The following PTPRK variants were observed in gnomAD, a reference collection of about 807,000 sequenced individuals.
PTPRK encodes protein tyrosine phosphatase receptor type K, also known as receptor-type tyrosine-protein phosphatase kappa.
PTPRK carries 75 observed loss-of-function variants against 178.0 expected under a neutral mutation model. The ratio of observed to expected loss-of-function variants is 0.42; its 90% CI spans 0.35 to 0.51. The LOEUF is 0.51. Ranked by LOEUF, PTPRK falls within the 20% of genes least tolerant of loss-of-function variation. PTPRK has a pLI of 0.02. For missense variants in PTPRK, 1,441 were observed against 1,797.8 expected (o/e 0.80, Z 3.59); for synonymous variants, 637 against 620.6 (o/e 1.03, Z -0.39).
chr6:128,436,260 T>C (rs1845584045), intron 1 of PTPRK, among the ~76,000 whole-genome samples: 2 of 152,078 alleles, frequency 1.3e-5, no homozygotes, highest in Non-Finnish European at 2.9e-5. Context: ...AAATAATAAA[T>C]TAACCATAAT....
chr6:128,186,308 T>C (rs1323478183), intron 6 of PTPRK, among the ~76,000 whole-genome samples: 1 of 152,044 alleles, frequency 6.6e-6, no homozygotes, highest in Non-Finnish European at 1.5e-5. Context: ...CATAAGTAAC[T>C]CCTCACAAGT....
At chr6:128,057,262 T>C (rs1780056953) in intron 13 of PTPRK, among the ~76,000 whole-genome samples, 1 of 152,306 alleles carries the variant, frequency 6.6e-6, no homozygotes, top group South Asian at 2.1e-4. Context: ...GATATAGATA[T>C]TGTACAGAAA....
chr6:128,116,495 A>C (rs1277993876), intron 7 of PTPRK, among the ~76,000 whole-genome samples: 3 of 152,246 alleles, frequency 2.0e-5, no homozygotes, highest in Admixed American at 6.5e-5. Context: ...TCACAACCAA[A>C]GAGGGACAGA....
At chr6:128,153,597 C>T (rs1225740893) in intron 7 of PTPRK, among the ~76,000 whole-genome samples, 3 of 151,882 alleles carry the variant, frequency 2.0e-5, no homozygotes, top group Non-Finnish European at 2.9e-5. Flanking sequence ...GGCAGCTCTA[C>T]AGTTTGAAAT....
At chr6:128,193,057 T>C (rs1804123968) in intron 6 of PTPRK, among the ~76,000 whole-genome samples, 1 of 152,126 alleles carries the variant, frequency 6.6e-6, no homozygotes, top group African/African-American at 2.4e-5. Context: ...AAACTTTATT[T>C]ATTTACTTAT....
chr6:128,382,348 G>A (rs766727511), intron 2 of PTPRK, among the ~76,000 whole-genome samples: 22 of 149,642 alleles, frequency 1.5e-4, no homozygotes, highest in Admixed American at 2.0e-4. Context: ...GTAATCATGT[G>A]TCCATTTAAA....
At chr6:128,055,984 TC>T (rs376321828) in intron 13 of PTPRK, among the ~76,000 whole-genome samples, 1 of 150,624 alleles carries the variant, frequency 6.6e-6, no homozygotes, top group Non-Finnish European at 1.5e-5. Flanking sequence ...TTTTTCTTTT[TC>T]TTTTCTTTTT....
chr6:128,382,145 C>A (rs1313635518), intron 2 of PTPRK, among the ~76,000 whole-genome samples: 2 of 119,788 alleles, frequency 1.7e-5, no homozygotes, highest in African/African-American at 3.4e-5. Flanking sequence ...GAGCAATACC[C>A]TATCTCAAAA....
chr6:128,258,369 T>C (rs1456377751), intron 3 of PTPRK, among the ~76,000 whole-genome samples: 1 of 152,172 alleles, frequency 6.6e-6, no homozygotes, highest in Non-Finnish European at 1.5e-5. Context: ...TAATCATGCA[T>C]GGTTTAACTG....
chr6:128,315,948 A>C (rs1051267820), intron 3 of PTPRK, among the ~76,000 whole-genome samples: 1 of 152,232 alleles, frequency 6.6e-6, no homozygotes, highest in Non-Finnish European at 1.5e-5. Flanking sequence ...CAAGTTGTTC[A>C]AAAACTGGAA....
intron 1 of PTPRK, among the ~76,000 whole-genome samples, chr6:128,471,032 A>G (rs1292328565): frequency 6.6e-6 from 1 of 151,948 alleles, no homozygotes; most frequent in Non-Finnish European, 1.5e-5. Context: ...GAATCAAAAT[A>G]TTCTTAGAAT....
At chr6:128,497,110 C>T (rs979574457) in intron 1 of PTPRK, among the ~76,000 whole-genome samples, 3 of 152,094 alleles carry the variant, frequency 2.0e-5, no homozygotes, top group South Asian at 2.1e-4. Flanking sequence ...TGTCAACTGT[C>T]GGAATTGAAG....
chr6:128,182,203 C>G (rs1293980298), intron 7 of PTPRK, among the ~76,000 whole-genome samples: 1 of 152,052 alleles, frequency 6.6e-6, no homozygotes, highest in Non-Finnish European at 1.5e-5. Context: ...AAAGAATACA[C>G]AAATTAAATG....
At chr6:128,414,607 TGGA>T (rs1262505890) in intron 1 of PTPRK, among the ~76,000 whole-genome samples, 4 of 152,214 alleles carry the variant, frequency 2.6e-5, no homozygotes, top group East Asian at 1.9e-4. Context: ...CCTTATCTTC[TGGA>T]GGAGATTTGT....
chr6:128,339,533 G>C (rs1248205540), intron 2 of PTPRK, among the ~76,000 whole-genome samples: 1 of 151,918 alleles, frequency 6.6e-6, no homozygotes, highest in Non-Finnish European at 1.5e-5. Context: ...ATGTGTTTGG[G>C]GTAAGAAAAA....
At chr6:127,984,443 G>C (rs749987155) in intron 22 of PTPRK, among the ~76,000 whole-genome samples, 1 of 152,148 alleles carries the variant, frequency 6.6e-6, no homozygotes, top group Non-Finnish European at 1.5e-5. Context: ...AACAAAATAA[G>C]GATTTTTTGC....
chr6:128,079,597 G>A (rs1384769719), intron 10 of PTPRK, among the ~76,000 whole-genome samples: 1 of 152,020 alleles, frequency 6.6e-6, no homozygotes, highest in African/African-American at 2.4e-5. Context: ...AGCTTTGGAT[G>A]ACTTTCATGT....
At chr6:128,290,244 G>T (rs1008772819) in intron 3 of PTPRK, among the ~76,000 whole-genome samples, 1 of 151,938 alleles carries the variant, frequency 6.6e-6, no homozygotes, top group African/African-American at 2.4e-5. Context: ...AAATGTTTAC[G>T]CATTACCACT....
chr6:128,040,812 AACCAAGCAGAAATGATAACCTCTTT>A (rs1777039369), intron 13 of PTPRK, among the ~76,000 whole-genome samples: 1 of 152,094 alleles, frequency 6.6e-6, no homozygotes, highest in South Asian at 2.1e-4. Flanking sequence ...TGTCTACATA[AACCAAGCAGAAATGATAACCTCTTT>A]ACCAGTTAAT....
Sources: gnomAD v4.1 joint callset for allele counts (sites outside exome capture counted in the v4.1 genomes callset) on GRCh38, gnomAD v4.1.1 for gene constraint, MANE v1.5 for transcripts, NCBI Gene and HGNC (gene_info 2026-07-23, HGNC 2026-07-21) for gene names.